DSCAM: variants seen among roughly 807,000 people sequenced by gnomAD.
DSCAM encodes cell adhesion molecule DSCAM.
A neutral mutation model predicts 217.7 loss-of-function variants in DSCAM; 47 were observed. The ratio of observed to expected loss-of-function variants is 0.22; its 90% CI spans 0.17 to 0.28. The LOEUF (loss-of-function observed/expected upper bound fraction) is 0.28. Ranked by LOEUF, DSCAM falls within the 10% of genes least tolerant of loss-of-function variation. The pLI is 1.00. For missense variants in DSCAM, 2,080 were observed against 2,618.3 expected, an observed-to-expected ratio of 0.79 and a Z score of 4.49; for synonymous variants, 1,056 against 1,015.3, an observed-to-expected ratio of 1.04 and a Z score of -0.76.
Position 40,691,091 on chromosome 21 carries a change from T to TA in DSCAM, c.508+1718dup, listed in dbSNP as rs558324408. On this transcript the variant is annotated intron_variant, in intron 3 of 32. Transcript: ENST00000400454. ...GTACCCCTGAACTTAAAATAAAAGT[T>TA]AAAAAAATCCTCCTGGTAGATATTT... Among the ~76,000 whole-genome samples the TA allele has an allele frequency of 3.2e-4, 49 of 152,326 alleles. No homozygotes were observed. In the East Asian group the frequency reaches 8.3e-3, roughly 26 times the overall value.
chr21:40,784,195 A>C (rs1193977078), intron 1 of DSCAM, among the ~76,000 whole-genome samples: 1 of 152,012 alleles, frequency 6.6e-6, no homozygotes, highest in Non-Finnish European at 1.5e-5. Flanking sequence ...AATAATCCCC[A>C]TGTGTTATGG....
intron 3 of DSCAM, among the ~76,000 whole-genome samples, chr21:40,541,071 G>A (rs182123738): frequency 6.0e-4 from 91 of 152,090 alleles, no homozygotes; most frequent in African/African-American, 2.1e-3. Context: ...AAATCCAGTT[G>A]CATATCAATA....
intron 3 of DSCAM, among the ~76,000 whole-genome samples, chr21:40,556,979 G>A (rs2076677593): frequency 6.6e-6 from 1 of 152,178 alleles, no homozygotes; most frequent in African/African-American, 2.4e-5. Flanking sequence ...GGGTGGCAGA[G>A]GTGGGAGAGG....
chr21:40,729,488 C>T (rs1377164291), intron 1 of DSCAM, among the ~76,000 whole-genome samples: 2 of 152,144 alleles, frequency 1.3e-5, no homozygotes, highest in Non-Finnish European at 2.9e-5. Flanking sequence ...CTAGGTATGC[C>T]GTGTAGTCCT....
intron 7 of DSCAM, 75 bp from the exon 8 acceptor site, chr21:40,338,451 T>C (rs905756735): frequency 1.4e-6 from 2 of 1,443,982 alleles, no homozygotes; most frequent in Non-Finnish European, 1.9e-6. Context: ...ACACTTTTCC[T>C]TGAGTTAAAA....
At chr21:40,756,852 G>GC (rs1348724363) in intron 1 of DSCAM, among the ~76,000 whole-genome samples, 1 of 151,996 alleles carries the variant, frequency 6.6e-6, no homozygotes, top group Non-Finnish European at 1.5e-5. Flanking sequence ...TTGGTCAAAG[G>GC]CCATACAGTT....
intron 3 of DSCAM, among the ~76,000 whole-genome samples, chr21:40,462,254 C>T (rs2075811977): frequency 6.6e-6 from 1 of 152,172 alleles, no homozygotes; most frequent in Non-Finnish European, 1.5e-5. Context: ...GAGCCTGGTA[C>T]AGAGGCTCTC....
In DSCAM at chr21:40,520,580, G is replaced by A. The variant is rs546878433; in HGVS notation, c.509-151335C>T. Among the ~76,000 whole-genome samples, 111 of 152,090 alleles carry A rather than the reference G, an allele frequency of 7.3e-4. 1 individual carries two copies. Among genetic ancestry groups the A allele is most frequent in the Non-Finnish European group, 1.1e-3 (72 of 67,980 alleles). On this transcript the variant is annotated intron_variant, in intron 3 of 32. Coordinates refer to ENST00000400454, the MANE Select transcript of DSCAM (RefSeq NM_001389.5). ...TCCCAGCACTTTGGGAGGCCGAGGC[G>A]GGCAGATCACGAGATCAGGAGTTCG...
intron 3 of DSCAM, among the ~76,000 whole-genome samples, chr21:40,561,923 T>C (rs775766373): frequency 2.0e-5 from 3 of 152,252 alleles, no homozygotes; most frequent in Non-Finnish European, 2.9e-5. Context: ...ACTTCTCTTT[T>C]AAACTCTTCA....
At chr21:40,360,163 G>A (rs71316158) in intron 4 of DSCAM, among the ~76,000 whole-genome samples, 65,711 of 127,394 alleles carry the variant, frequency 0.52, 17,487 homozygotes, top group South Asian at 0.65. Context: ...ACAGAGTCTC[G>A]CTCAGTTGCC....
At chr21:40,521,543 C>G (rs146476805) in intron 3 of DSCAM, among the ~76,000 whole-genome samples, 43 of 150,172 alleles carry the variant, frequency 2.9e-4, no homozygotes, top group African/African-American at 1.0e-3. Context: ...TACCTGTTGT[C>G]CATTTGTATA....
intron 16 of DSCAM, among the ~76,000 whole-genome samples, chr21:40,162,939 C>T (rs1174120394): frequency 6.6e-6 from 1 of 152,048 alleles, no homozygotes; most frequent in South Asian, 2.1e-4. Context: ...AATAAAACAA[C>T]AACACAAATT....
At chr21:40,796,264 T>C (rs117650054) in intron 1 of DSCAM, among the ~76,000 whole-genome samples, 12 of 152,168 alleles carry the variant, frequency 7.9e-5, no homozygotes, top group Admixed American at 7.9e-4. Flanking sequence ...GGACATGACA[T>C]CGGCAAATCC....
chr21:40,613,800 G>C (rs1205820917), intron 3 of DSCAM, among the ~76,000 whole-genome samples: 1 of 147,346 alleles, frequency 6.8e-6, no homozygotes. Context: ...ATTTAGCAGA[G>C]AAGGAAAAAA....
chr21:40,265,546 A>T (rs1471896377), intron 11 of DSCAM, among the ~76,000 whole-genome samples: 1 of 152,172 alleles, frequency 6.6e-6, no homozygotes, highest in East Asian at 1.9e-4. Flanking sequence ...AAGAAATCCG[A>T]AGCAAAAAGA....
intron 26 of DSCAM, among the ~76,000 whole-genome samples, chr21:40,077,273 G>A (rs1318971848): frequency 6.6e-6 from 1 of 152,204 alleles, no homozygotes; most frequent in East Asian, 1.9e-4. Flanking sequence ...CAGGCCAGAA[G>A]TGCCAGGAAG....
intron 9 of DSCAM, among the ~76,000 whole-genome samples, chr21:40,300,383 A>T (rs1408690108): frequency 6.6e-6 from 1 of 152,088 alleles, no homozygotes; most frequent in African/African-American, 2.4e-5. Context: ...GTATCCTCAA[A>T]TTCTCTGCAT....
At chr21:40,315,977 C>A (rs1280007375) in intron 8 of DSCAM, among the ~76,000 whole-genome samples, 2 of 152,284 alleles carry the variant, frequency 1.3e-5, no homozygotes, top group South Asian at 2.1e-4. Flanking sequence ...AGTTGGATGA[C>A]ATTTTGTTTG....
At chr21:40,217,411 T>C (rs2091253416) in intron 11 of DSCAM, among the ~76,000 whole-genome samples, 1 of 152,162 alleles carries the variant, frequency 6.6e-6, no homozygotes, top group Admixed American at 6.5e-5. Flanking sequence ...AACGTCCTGC[T>C]TTTTTTAACT....
Sources: gnomAD v4.1 joint callset for allele counts (sites outside exome capture counted in the v4.1 genomes callset) on GRCh38, gnomAD v4.1.1 for gene constraint, MANE v1.5 for transcripts, NCBI Gene and HGNC (gene_info 2026-07-23, HGNC 2026-07-21) for gene names.